Variants in TPRG1 observed in about 807,000 individuals in gnomAD.
TPRG1 encodes tumor protein p63-regulated gene 1 protein.
TPRG1 carries 29 observed loss-of-function variants against 29.3 expected under a neutral mutation model. The ratio of observed to expected loss-of-function variants is 0.99; its 90% CI spans 0.74 to 1.35. The LOEUF (loss-of-function observed/expected upper bound fraction) is 1.35. Ranked by LOEUF, TPRG1 falls within the 40% of genes most tolerant of loss-of-function variation. The pLI, the probability that TPRG1 is intolerant of heterozygous loss-of-function variation, is 0.00. For missense variants in TPRG1, 327 were observed against 335.0 expected (o/e 0.98, Z 0.19); for synonymous variants, 130 against 116.8 (o/e 1.11, Z -0.73).
rs569462811 is a variant in TPRG1 at position 189,241,304 on chromosome 3, T to C, written c.479+2395T>C. On this transcript the variant is annotated intron_variant, in intron 4 of 5. Coordinates refer to ENST00000345063, the MANE Select transcript of TPRG1 (RefSeq NM_198485.4). ...TTGCCAGTGAGATAGTAAAGAAAAG[T>C]CTCTTATTTGGGGTTCAAATTGCAT... Among the ~76,000 whole-genome samples the C allele has an allele frequency of 2.3e-4, 35 of 152,218 alleles. 1 individual carries two copies. In the South Asian group the frequency reaches 7.0e-3, roughly 31 times the overall value.
intron 4 of TPRG1, among the ~76,000 whole-genome samples, chr3:189,077,295 A>T (rs1057249842): frequency 3.9e-5 from 6 of 152,160 alleles, no homozygotes; most frequent in Non-Finnish European, 8.8e-5. Context: ...ACTTTTACAC[A>T]TAACAACGTG....
At chr3:189,050,013 C>T (rs1015571862) in intron 4 of TPRG1, among the ~76,000 whole-genome samples, 4 of 151,984 alleles carry the variant, frequency 2.6e-5, no homozygotes, top group Non-Finnish European at 4.4e-5. Context: ...TAAGGTCACG[C>T]CTCAAGGAAC....
intron 4 of TPRG1, among the ~76,000 whole-genome samples, chr3:189,286,319 C>A (rs1007105748): frequency 6.6e-6 from 1 of 151,978 alleles, no homozygotes; most frequent in Non-Finnish European, 1.5e-5. Flanking sequence ...TATATCATAT[C>A]CTTCTGCCAC....
At chr3:189,262,213 T>TAAGTATAAGTATAAGTAG (rs1357582342) in intron 4 of TPRG1, among the ~76,000 whole-genome samples, 3 of 145,346 alleles carry the variant, frequency 2.1e-5, no homozygotes, top group African/African-American at 7.8e-5. Context: ...GGTATAAGTA[T>TAAGTATAAGTATAAGTAG]AAGTATAAGT....
chr3:189,258,156 T>C (rs1712247776), intron 4 of TPRG1, among the ~76,000 whole-genome samples: 1 of 152,198 alleles, frequency 6.6e-6, no homozygotes. Flanking sequence ...CTTTGGTCTT[T>C]GCTGTTGGTG....
chr3:189,171,202 GC>G (rs1728774640), upstream of TPRG1, among the ~76,000 whole-genome samples: 1 of 152,138 alleles, frequency 6.6e-6, no homozygotes, highest in African/African-American at 2.4e-5. Context: ...ATTCTCATAT[GC>G]TTCCTTTCAA....
At chr3:189,279,838 A>G (rs563248471) in intron 4 of TPRG1, among the ~76,000 whole-genome samples, 1 of 152,348 alleles carries the variant, frequency 6.6e-6, no homozygotes, top group Non-Finnish European at 1.5e-5. Context: ...TGGATGAAAC[A>G]GTACAGGGAG....
intron 1 of TPRG1, among the ~76,000 whole-genome samples, chr3:189,186,993 T>TG (rs34252395): frequency 4.5e-4 from 50 of 111,992 alleles, no homozygotes; most frequent in African/African-American, 1.6e-3. Context: ...GTGTTTTTTT[T>TG]TTTTTTTTTT....
At chr3:189,062,109 T>C (rs1011008938) in intron 4 of TPRG1, among the ~76,000 whole-genome samples, 5 of 152,282 alleles carry the variant, frequency 3.3e-5, no homozygotes, top group South Asian at 4.1e-4. Flanking sequence ...TGCAGCCATA[T>C]AAAAGAACAA....
intron 3 of TPRG1, among the ~76,000 whole-genome samples, chr3:189,017,770 G>T (rs1713030551): frequency 6.6e-6 from 1 of 152,114 alleles, no homozygotes; most frequent in Non-Finnish European, 1.5e-5. Context: ...GGGTCAAATG[G>T]TATTTCTAGT....
intron 4 of TPRG1, among the ~76,000 whole-genome samples, chr3:189,074,261 A>G (rs934775796): frequency 7.5e-6 from 1 of 133,556 alleles, no homozygotes; most frequent in African/African-American, 3.0e-5. Context: ...GCTGGAGTGC[A>G]GTGGCGCGAT....
At chr3:189,183,842 G>A (rs1051032120) in intron 1 of TPRG1, among the ~76,000 whole-genome samples, 7 of 151,014 alleles carry the variant, frequency 4.6e-5, no homozygotes, top group Admixed American at 2.0e-4. Context: ...TGCAGTTAAC[G>A]CAATTATCAC....
At chr3:189,124,540 T>TTGTATA (rs1553907167) in intron 1 of TPRG1, among the ~76,000 whole-genome samples, 1 of 149,962 alleles carries the variant, frequency 6.7e-6, no homozygotes, top group African/African-American at 2.5e-5. Context: ...ACAAAGGACT[T>TTGTATA]TGTGTGTGTG....
chr3:189,225,815 C>A (rs139284609), intron 3 of TPRG1, among the ~76,000 whole-genome samples: 6 of 152,120 alleles, frequency 3.9e-5, no homozygotes, highest in Non-Finnish European at 7.3e-5. Flanking sequence ...CAGAACTTTA[C>A]AGTCCAAGAG....
At chr3:189,310,154 T>C (rs1722253662) in intron 4 of TPRG1, 2 of 318,512 alleles carry the variant, frequency 6.3e-6, no homozygotes, top group Non-Finnish European at 5.8e-6. Context: ...GCCACTGTTC[T>C]GAGTGTCAGA....
chr3:189,186,397 C>T (rs1213071352), intron 1 of TPRG1, among the ~76,000 whole-genome samples: 1 of 152,128 alleles, frequency 6.6e-6, no homozygotes, highest in Non-Finnish European at 1.5e-5. Flanking sequence ...CAGAAAGTCC[C>T]TACCATTCGA....
At chr3:189,210,168 C>T (rs1735043676) in intron 2 of TPRG1, among the ~76,000 whole-genome samples, 1 of 151,886 alleles carries the variant, frequency 6.6e-6, no homozygotes, top group Admixed American at 6.6e-5. Context: ...GCATATATTT[C>T]CTCATCTACA....
chr3:189,173,965 C>T (rs1211761860), intron 1 of TPRG1, among the ~76,000 whole-genome samples: 1 of 152,112 alleles, frequency 6.6e-6, no homozygotes, highest in East Asian at 1.9e-4. Flanking sequence ...TTTGCTTCGG[C>T]CAAATGTTGG....
intron 1 of TPRG1, among the ~76,000 whole-genome samples, chr3:189,206,044 C>G (rs547222201): frequency 1.1e-3 from 161 of 149,266 alleles, no homozygotes; most frequent in Non-Finnish European, 1.6e-3. Flanking sequence ...TCCTTCCTTC[C>G]TTTCTTCTGT....
Sources: gnomAD v4.1 joint callset for allele counts (sites outside exome capture counted in the v4.1 genomes callset) on GRCh38, gnomAD v4.1.1 for gene constraint, MANE v1.5 for transcripts, NCBI Gene and HGNC (gene_info 2026-07-23, HGNC 2026-07-21) for gene names.